The following STK3 variants were observed in gnomAD, a reference collection of about 807,000 sequenced individuals.
STK3 encodes serine/threonine-protein kinase 3.
Under a neutral mutation model 58.0 loss-of-function variants are expected in STK3, and 41 were observed. That is an observed-to-expected ratio of 0.71 (90% confidence interval 0.55 to 0.92). The LOEUF is 0.92. Ranked by LOEUF, STK3 falls within the 40% of genes least tolerant of loss-of-function variation. The pLI, the probability that STK3 is intolerant of heterozygous loss-of-function variation, is 0.00. For missense variants in STK3, 479 were observed against 602.7 expected, an observed-to-expected ratio of 0.79 and a Z score of 2.15; for synonymous variants, 170 against 191.0, an observed-to-expected ratio of 0.89 and a Z score of 0.91.
chr8:98,501,586 G>C (rs532167532), intron 10 of STK3, among the ~76,000 whole-genome samples: 15 of 152,312 alleles, frequency 9.8e-5, no homozygotes, highest in African/African-American at 2.6e-4. Flanking sequence ...TTTGTATAAG[G>C]TGTAAGGAAG....
intron 1 of STK3, among the ~76,000 whole-genome samples, chr8:98,907,089 TG>T (rs1234744631): frequency 3.3e-5 from 5 of 151,768 alleles, no homozygotes; most frequent in African/African-American, 1.2e-4. Context: ...GCCCAGGATT[TG>T]GAGGCTCCAG....
At chr8:98,529,976 A>T (rs1368289883) in intron 9 of STK3, among the ~76,000 whole-genome samples, 1 of 152,152 alleles carries the variant, frequency 6.6e-6, no homozygotes, top group African/African-American at 2.4e-5. Context: ...AACTTTATGG[A>T]AGTGCTTAAG....
In STK3 at chr8:98,428,659, T is replaced by A. The variant is rs1818281687; in HGVS notation, n.483+5468A>T. 6.2e-7 allele frequency: 1 copy of A among 1,614,062 alleles called. No individual in the cohort carries two copies. Among genetic ancestry groups the A allele is most frequent in the Admixed American group, 1.7e-5 (1 of 60,008 alleles). On this transcript the variant is annotated intron_variant and non_coding_transcript_variant, in intron 3 of 3. Coordinates refer to the STK3 transcript ENST00000517832. The surrounding 1 kb of genome is among the most constrained non-coding windows in gnomAD (Gnocchi z 6.7). The stretch of plus-strand genomic sequence containing the variant: ...GGCAACCCTGGCGAGGACCCTAGGT[T>A]CGAAATCGTGGAGCACTTTGGCATT...
chr8:98,666,078 A>G (rs1390540477), intron 6 of STK3, among the ~76,000 whole-genome samples: 1 of 152,158 alleles, frequency 6.6e-6, no homozygotes, highest in Non-Finnish European at 1.5e-5. Flanking sequence ...TCAAGAAGTA[A>G]ATTTCACCTA....
chr8:98,357,950 C>T, the STK3 span, among the ~76,000 whole-genome samples: 1 of 149,300 alleles, frequency 6.7e-6, no homozygotes, highest in East Asian at 1.9e-4. Context: ...TGTGGCCTTT[C>T]CCCAGGACCC....
chr8:98,450,387 T>A (rs887545283), downstream of STK3, among the ~76,000 whole-genome samples: 1 of 152,244 alleles, frequency 6.6e-6, no homozygotes, highest in Non-Finnish European at 1.5e-5. Context: ...TGCTAAATAT[T>A]GTACATGTCC....
At chr8:98,605,067 T>C (rs1816671355) in intron 6 of STK3, among the ~76,000 whole-genome samples, 1 of 152,162 alleles carries the variant, frequency 6.6e-6, no homozygotes, top group African/African-American at 2.4e-5. Flanking sequence ...TCATTGTCCA[T>C]ATCACTATCA....
chr8:98,653,815 A>T (rs994108445), intron 6 of STK3, among the ~76,000 whole-genome samples: 5 of 152,216 alleles, frequency 3.3e-5, no homozygotes, highest in African/African-American at 1.2e-4. Context: ...GAACAATAAC[A>T]GGCTCTGAAA....
chr8:98,491,490 G>C (rs1822697073), intron 10 of STK3, among the ~76,000 whole-genome samples: 1 of 151,532 alleles, frequency 6.6e-6, no homozygotes, highest in Non-Finnish European at 1.5e-5. Context: ...GCCCAAGTTA[G>C]AGTGCAGTGG....
intron 4 of STK3, among the ~76,000 whole-genome samples, chr8:98,737,586 C>T (rs1587464225): frequency 6.6e-6 from 1 of 152,178 alleles, no homozygotes; most frequent in South Asian, 2.1e-4. Context: ...ATATGAGATA[C>T]AGCATTCTTA....
intron 6 of STK3, among the ~76,000 whole-genome samples, chr8:98,666,919 A>G (rs1400190315): frequency 6.6e-6 from 1 of 152,186 alleles, no homozygotes; most frequent in Non-Finnish European, 1.5e-5. Context: ...GAGTCTCAAC[A>G]GTGTAAACCT....
intron 1 of STK3, among the ~76,000 whole-genome samples, chr8:98,812,912 G>T (rs980816794): frequency 3.9e-5 from 6 of 152,060 alleles, no homozygotes; most frequent in African/African-American, 1.4e-4. Context: ...AGGAGGGATA[G>T]CATTAGGAGA....
chr8:98,603,754 GGAAGGAAGGGAA>G (rs777950941), intron 6 of STK3, among the ~76,000 whole-genome samples: 5 of 151,858 alleles, frequency 3.3e-5, no homozygotes, highest in Non-Finnish European at 5.9e-5. Flanking sequence ...GCGGGGCCTG[GGAAGGAAGGGAA>G]GAAGGAAAGG....
chr8:98,902,758 T>G (rs561109736), intron 1 of STK3, among the ~76,000 whole-genome samples: 1 of 152,372 alleles, frequency 6.6e-6, no homozygotes, highest in African/African-American at 2.4e-5. Flanking sequence ...CCATTGCACT[T>G]AATAATAGCC....
intron 6 of STK3, among the ~76,000 whole-genome samples, chr8:98,661,245 C>T (rs750905835): frequency 6.6e-6 from 1 of 152,032 alleles, no homozygotes; most frequent in Non-Finnish European, 1.5e-5. Context: ...GAAATACAGC[C>T]TCTTTGAAAA....
At chr8:98,667,253 T>C (rs954381142) in intron 6 of STK3, among the ~76,000 whole-genome samples, 2 of 152,140 alleles carry the variant, frequency 1.3e-5, no homozygotes, top group Admixed American at 6.5e-5. Flanking sequence ...TGTTTAAATA[T>C]TTAGTCAGTA....
chr8:98,562,615 C>T (rs1812135725), intron 8 of STK3, among the ~76,000 whole-genome samples: 1 of 151,092 alleles, frequency 6.6e-6, no homozygotes, highest in Non-Finnish European at 1.5e-5. Context: ...TGCCTAATAC[C>T]ATGCGTTTGT....
At chr8:98,942,276 G>C (rs1254718608) in intron 1 of STK3, 1 of 152,260 alleles carries the variant, frequency 6.6e-6, no homozygotes, top group African/African-American at 2.4e-5. Flanking sequence ...CCCCGCGTTC[G>C]GCGCGCACCT....
intron 1 of STK3, among the ~76,000 whole-genome samples, chr8:98,387,591 A>G (rs1817802660): frequency 6.6e-6 from 1 of 152,178 alleles, no homozygotes; most frequent in South Asian, 2.1e-4. Flanking sequence ...TCTACTAAAA[A>G]TACAAAATTA....
Sources: gnomAD v4.1 joint callset for allele counts (sites outside exome capture counted in the v4.1 genomes callset) on GRCh38, gnomAD v4.1.1 for gene constraint, Gnocchi (gnomAD v3.1) non-coding constraint, MANE v1.5 for transcripts, NCBI Gene and HGNC (gene_info 2026-07-23, HGNC 2026-07-21) for gene names.